The following DCDC2C variants were observed in gnomAD, a reference collection of about 807,000 sequenced individuals.
The protein encoded by DCDC2C is doublecortin domain containing 2C, also known as doublecortin domain-containing protein 2C.
Under a neutral mutation model 45.0 loss-of-function variants are expected in DCDC2C, and 44 were observed. The observed-to-expected ratio is 0.98, with a 90% CI of 0.77 to 1.26. DCDC2C has a LOEUF of 1.26. Ranked by LOEUF, DCDC2C falls within the 50% of genes most tolerant of loss-of-function variation. The pLI is 0.00. For missense variants in DCDC2C, 447 were observed against 468.9 expected (o/e 0.95, Z 0.43); for synonymous variants, 187 against 178.8 (o/e 1.05, Z -0.37).
chr2:3,814,811 G>C (rs1671512205), intron 10 of DCDC2C, among the ~76,000 whole-genome samples: 1 of 152,274 alleles, frequency 6.6e-6, no homozygotes, highest in Non-Finnish European at 1.5e-5. Flanking sequence ...GCCTAAAGAG[G>C]CACTCCGGCC....
intron 4 of DCDC2C, among the ~76,000 whole-genome samples, chr2:3,743,948 A>G: frequency 6.6e-6 from 1 of 152,226 alleles, no homozygotes; most frequent in East Asian, 1.9e-4. Flanking sequence ...GGGAACCTGT[A>G]ATCCCAGCTA....
At chr2:3,799,433 G>C (rs1433714024) in intron 10 of DCDC2C, among the ~76,000 whole-genome samples, 1 of 152,202 alleles carries the variant, frequency 6.6e-6, no homozygotes, top group Non-Finnish European at 1.5e-5. Flanking sequence ...CTTTGGAGGA[G>C]GAGAGGTGCT....
intron 7 of DCDC2C, among the ~76,000 whole-genome samples, chr2:3,768,116 A>T (rs1039966046): frequency 1.3e-5 from 2 of 152,134 alleles, no homozygotes; most frequent in Non-Finnish European, 2.9e-5. Context: ...TCCAAGATAA[A>T]TACATATTTA....
intron 10 of DCDC2C, among the ~76,000 whole-genome samples, chr2:3,834,087 C>G (rs1175901729): frequency 6.6e-6 from 1 of 150,548 alleles, no homozygotes; most frequent in Non-Finnish European, 1.5e-5. Flanking sequence ...TTTACTCCCC[C>G]TCCTGCCCCC....
At chr2:3,830,852 A>G (rs1358597488) in intron 10 of DCDC2C, among the ~76,000 whole-genome samples, 3 of 152,160 alleles carry the variant, frequency 2.0e-5, no homozygotes, top group Non-Finnish European at 4.4e-5. Context: ...TTTGCTTACT[A>G]CTAAATGTAA....
chr2:3,820,461 G>T lies in DCDC2C; in HGVS notation c.1066-26693G>T, dbSNP rs189497105. Among the ~76,000 whole-genome samples the T allele has an allele frequency of 3.1e-3, 469 of 152,164 alleles. 2 individuals are homozygous for T. The highest frequency in any genetic ancestry group is 6.0e-3 in the South Asian group (29 of 4,826). On this transcript the variant is annotated intron_variant, in intron 10 of 10. Coordinates refer to ENST00000399143, the MANE Select transcript of DCDC2C (RefSeq NM_001287444.2). ...GGGGGTTAGTGAGCAGCGAAAGCAG[G>T]CATCCCCGCAATCGACTTGCCACCA... is the stretch of plus-strand genomic sequence containing the variant.
chr2:3,754,991 G>T (rs1375591840), intron 6 of DCDC2C, among the ~76,000 whole-genome samples: 3 of 152,214 alleles, frequency 2.0e-5, no homozygotes, highest in Non-Finnish European at 2.9e-5. Context: ...CTGGCGGGGG[G>T]TGGGAGGAGG....
intron 2 of DCDC2C, among the ~76,000 whole-genome samples, chr2:3,710,295 C>T (rs555503293): frequency 6.6e-6 from 1 of 152,258 alleles, no homozygotes; most frequent in South Asian, 2.1e-4. Flanking sequence ...CACAGATCAT[C>T]CTATCTCCTA....
intron 8 of DCDC2C, among the ~76,000 whole-genome samples, chr2:3,772,534 G>A (rs1670203910): frequency 6.6e-6 from 1 of 152,150 alleles, no homozygotes; most frequent in Non-Finnish European, 1.5e-5. Context: ...GGACAAAATG[G>A]AGCACGGCCT....
intron 2 of DCDC2C, among the ~76,000 whole-genome samples, chr2:3,713,342 C>T (rs181269459): frequency 2.1e-4 from 32 of 152,288 alleles, no homozygotes; most frequent in Non-Finnish European, 4.1e-4. Flanking sequence ...AGGGAAAACG[C>T]GGGGAGCCAG....
intron 2 of DCDC2C, among the ~76,000 whole-genome samples, chr2:3,722,358 A>G (rs770708688): frequency 1.1e-4 from 17 of 152,236 alleles, no homozygotes; most frequent in Non-Finnish European, 1.6e-4. Flanking sequence ...TGTTGGGAAG[A>G]TGATATAACC....
At chr2:3,803,636 T>G (rs1221189302) in intron 10 of DCDC2C, among the ~76,000 whole-genome samples, 1 of 152,220 alleles carries the variant, frequency 6.6e-6, no homozygotes, top group South Asian at 2.1e-4. Flanking sequence ...TCATCTCAAG[T>G]CCAGTGTCCT....
At chr2:3,829,535 C>T (rs1261065339) in intron 10 of DCDC2C, among the ~76,000 whole-genome samples, 1 of 152,090 alleles carries the variant, frequency 6.6e-6, no homozygotes, top group Admixed American at 6.5e-5. Context: ...AAAAGCACAT[C>T]CTGGTCGTGC....
intron 10 of DCDC2C, among the ~76,000 whole-genome samples, chr2:3,792,018 C>T (rs966020814): frequency 4.6e-5 from 7 of 152,132 alleles, no homozygotes; most frequent in African/African-American, 1.4e-4. Flanking sequence ...CAGTTATCCA[C>T]AATATTATCT....
intron 10 of DCDC2C, among the ~76,000 whole-genome samples, chr2:3,813,802 T>C (rs984639286): frequency 6.7e-6 from 1 of 150,172 alleles, no homozygotes; most frequent in Admixed American, 6.7e-5. Flanking sequence ...TGAGCCTATG[T>C]GTGTCTTTGC....
chr2:3,785,412 T>A (rs548066800), intron 10 of DCDC2C, among the ~76,000 whole-genome samples: 57 of 149,558 alleles, frequency 3.8e-4, no homozygotes, highest in African/African-American at 1.4e-3. Context: ...CTGGAAAACC[T>A]GGAAAACGCG....
chr2:3,808,072 A>G (rs960320241), intron 10 of DCDC2C, among the ~76,000 whole-genome samples: 11 of 152,170 alleles, frequency 7.2e-5, no homozygotes, highest in Non-Finnish European at 1.5e-4. Context: ...CAGTGAATGC[A>G]TTTTTCACTG....
chr2:3,842,232 T>C (rs1367660922), intron 10 of DCDC2C, among the ~76,000 whole-genome samples: 3 of 152,144 alleles, frequency 2.0e-5, no homozygotes, highest in African/African-American at 7.2e-5. Flanking sequence ...CACAGATCTA[T>C]GGACAAGAAA....
intron 10 of DCDC2C, among the ~76,000 whole-genome samples, chr2:3,790,666 T>C (rs1343739123): frequency 6.6e-6 from 1 of 152,224 alleles, no homozygotes; most frequent in Admixed American, 6.5e-5. Flanking sequence ...TTGATACTAC[T>C]CCATCACCAC....
Sources: allele counts gnomAD v4.1 joint callset (sites outside exome capture counted in the v4.1 genomes callset), GRCh38; gene constraint gnomAD v4.1.1; transcripts MANE v1.5; gene names NCBI Gene and HGNC (gene_info 2026-07-23, HGNC 2026-07-21).